The following ITLN2 variants were observed in gnomAD, a reference collection of about 807,000 sequenced individuals.
ITLN2 encodes intelectin 2.
A neutral mutation model predicts 39.4 loss-of-function variants in ITLN2; 29 were observed. The observed-to-expected ratio is 0.74, with a 90% CI of 0.55 to 1.00. The LOEUF (loss-of-function observed/expected upper bound fraction) is 1.00, where lower values mean the gene tolerates loss of function less well. Among genes scored for constraint, ITLN2 ranks in the 50% least tolerant of loss-of-function variants. The probability of loss-of-function intolerance (pLI) is 0.00; values close to 1 mark genes in which losing one functional copy is unlikely to be tolerated. For missense variants in ITLN2, 412 were observed against 416.7 expected (o/e 0.99, Z 0.10); for synonymous variants, 156 against 153.4 (o/e 1.02, Z -0.12).
At chr1:160,948,058 G>C (rs761983015) in intron 6 of ITLN2, 26 bp from the exon 7 acceptor site, 3 of 1,574,250 alleles carry the variant, frequency 1.9e-6, no homozygotes, top group African/African-American at 1.3e-5. Context: ...TGAAGAAACA[G>C]CCAAGTAGTC....
chr1:160,951,041 A>G lies in ITLN2; in HGVS notation c.441+2T>C, dbSNP rs201459944. On this transcript the variant is annotated splice_donor_variant, in intron 4 of 7. Coordinates refer to ENST00000368029, the MANE Select transcript of ITLN2 (RefSeq NM_080878.3). LOFTEE classifies it high-confidence loss of function. ...CCCAAGTAGGAGAGAAGTGGCACCA[A>G]CCTTGTAGTCATCGCTCGTGGCCGC... 11 of 1,613,958 alleles carry G rather than the reference A, an allele frequency of 6.8e-6. No homozygotes were observed. The highest frequency in any genetic ancestry group is 9.3e-6 in the Non-Finnish European group (11 of 1,180,002).
chr1:160,950,180 G>A lies in ITLN2; in HGVS notation c.601-14C>T, dbSNP rs1671708623. 4 of 1,613,660 alleles carry A rather than the reference G, an allele frequency of 2.5e-6. No individual in the cohort carries two copies. Among genetic ancestry groups the A allele is most frequent in the African/African-American group, 1.3e-5 (1 of 74,910 alleles). On this transcript the variant is annotated splice_polypyrimidine_tract_variant and intron_variant, in intron 5 of 7. Coordinates refer to ENST00000368029, the MANE Select transcript of ITLN2 (RefSeq NM_080878.3). ...CACTGGGTATTTCTGCAGAGACCCA[G>A]AAGAAAGGTTTTGTGAGGACAGTAG...
intron 2 of ITLN2, among the ~76,000 whole-genome samples, chr1:160,953,406 A>C (rs1195140940): frequency 6.6e-6 from 1 of 152,178 alleles, no homozygotes; most frequent in Non-Finnish European, 1.5e-5. Flanking sequence ...CAGAGCGGGA[A>C]AAAGTGTAAA....
chr1:160,952,575 A>C (rs1671769041), intron 3 of ITLN2, 45 bp downstream of exon 3: 1 of 1,374,618 alleles, frequency 7.3e-7, no homozygotes, highest in Admixed American at 1.7e-5. Flanking sequence ...TGTTGAGCTA[A>C]AAAGTGGCTT....
intron 6 of ITLN2, chr1:160,949,256 G>C (rs1045177054): frequency 6.6e-6 from 1 of 152,116 alleles, no homozygotes; most frequent in Non-Finnish European, 1.5e-5. Context: ...ATACAATCGG[G>C]TTTTACACCA....
intron 4 of ITLN2, 90 bp downstream of exon 4, chr1:160,950,953 C>A: frequency 6.2e-7 from 1 of 1,606,512 alleles, no homozygotes; most frequent in East Asian, 2.2e-5. Context: ...TTCCCCATAT[C>A]CCCACCTTCC....
rs1417963936 is a variant in ITLN2, at chr1:160,952,727, G to T, written c.86C>A (p.Ala29Asp). 1.9e-6 allele frequency: 3 copies of T among 1,611,978 alleles called. No individual in the cohort carries two copies. The East Asian group carries it at 6.7e-5, about 36-fold the overall frequency. Residue 29 changes from alanine (A) to aspartate (D), a missense_variant, in exon 3 of 8, where the codon GCC (alanine) becomes GAC (aspartate). Transcript: ENST00000368029. Reference sequence around the variant, plus strand: ...CCTCGAGAGCATCTCAAGAGAAGAGGCTGCTGCTAGAAAATGTGAGAATGA... The same window carrying T: ...CCTCGAGAGCATCTCAAGAGAAGAGTCTGCTGCTAGAAAATGTGAGAATGA... ...VATSGCSAAAASSLEMLSREF... is the reference protein window; with the variant it reads ...VATSGCSAAADSSLEMLSREF...
chr1:160,949,273 T>G (rs992852411), intron 6 of ITLN2: 1 of 152,138 alleles, frequency 6.6e-6, no homozygotes, highest in African/African-American at 2.4e-5. Context: ...ACCAAAACAT[T>G]CCATTGCCCA....
intron 7 of ITLN2, among the ~76,000 whole-genome samples, chr1:160,946,282 G>A (rs2101935732): frequency 6.6e-6 from 1 of 152,206 alleles, no homozygotes; most frequent in Non-Finnish European, 1.5e-5. Flanking sequence ...TTGCACTCTA[G>A]CCCAGGCAAC....
chr1:160,951,351 G>C, intron 3 of ITLN2, 61 bp from the exon 4 acceptor site: 1 of 1,519,654 alleles, frequency 6.6e-7, no homozygotes, highest in South Asian at 1.3e-5. Context: ...TCTCAGCTCC[G>C]TGAATAGAAA....
chr1:160,953,345 A>C (rs1043322172), intron 2 of ITLN2, among the ~76,000 whole-genome samples: 3 of 152,240 alleles, frequency 2.0e-5, no homozygotes, highest in Non-Finnish European at 4.4e-5. Flanking sequence ...CCAGTGGATG[A>C]AGGGCCATGT....
chr1:160,954,389 G>T lies in ITLN2; in HGVS notation c.77C>A (p.Ala26Glu). 1 of 1,570,354 alleles carries T rather than the reference G, an allele frequency of 6.4e-7. No individual in the cohort carries two copies. The highest frequency in any genetic ancestry group is 1.2e-5 in the South Asian group (1 of 85,472). The change falls in exon 2 of 8, where the codon GCA becomes GAA. Residue 26 changes from alanine (A) to glutamate (E), a missense_variant and splice_region_variant. By Grantham distance (107) the Ala-to-Glu change is moderately radical. Transcript: ENST00000368029. ...FFSVATSGCS[A>E]AAASSLEMLS... Reference sequence around the variant, plus strand: ...TCCTACTCTCAGAAGCCATTTACCTGCACTGCACCCACTGGTGGCCACAGA... The same window carrying T: ...TCCTACTCTCAGAAGCCATTTACCTTCACTGCACCCACTGGTGGCCACAGA...
At chr1:160,951,948 A>G (rs551166329) in intron 3 of ITLN2, among the ~76,000 whole-genome samples, 2 of 152,274 alleles carry the variant, frequency 1.3e-5, no homozygotes, top group South Asian at 2.1e-4. Flanking sequence ...CTGAAGAGGT[A>G]TGAGGCTTTT....
rs766040157 is a variant in ITLN2, at chr1:160,950,522, A to AAAG, written c.600+28_600+30dup. On this transcript the variant is annotated intron_variant, in intron 5 of 7. Transcript: ENST00000368029. ...ACACTTCGATCTCTGTTCACCAAAG[A>AAAG]AAGTGCCCCCCAGCCAGCAGCCCTG... The AAAG allele has an allele frequency of 5.2e-5, 83 of 1,606,778 alleles. No individual in the cohort carries two copies. In the South Asian group the frequency reaches 9.0e-4, roughly 17 times the overall value.
At chr1:160,947,825 A>C (rs374069579) in intron 7 of ITLN2, 104 bp downstream of exon 7, 15 of 792,638 alleles carry the variant, frequency 1.9e-5, no homozygotes, top group East Asian at 7.8e-5. Flanking sequence ...AGTACAGATT[A>C]AAATGGAGTT....
chr1:160,950,292 C>T (rs1671711067), intron 5 of ITLN2, 126 bp from the exon 6 acceptor site: 2 of 1,076,856 alleles, frequency 1.9e-6, no homozygotes, highest in Admixed American at 2.2e-5. Context: ...ACTGCTTTTC[C>T]CCATAGCTGT....
intron 2 of ITLN2, among the ~76,000 whole-genome samples, chr1:160,953,673 C>T (rs535414895): frequency 5.9e-5 from 9 of 151,606 alleles, no homozygotes; most frequent in Non-Finnish European, 8.8e-5. Flanking sequence ...ATCACGCCAC[C>T]GCACTCCAAC....
chr1:160,954,444 T>A lies in ITLN2; in HGVS notation c.22A>T (p.Met8Leu). 1 of 1,579,142 alleles carries A rather than the reference T, an allele frequency of 6.3e-7. No homozygotes were observed. The highest frequency in any genetic ancestry group is 8.6e-7 in the Non-Finnish European group (1 of 1,160,836). The change falls in exon 2 of 8, where the codon ATG becomes TTG. Residue 8 changes from methionine to leucine, a missense_variant. Coordinates refer to ENST00000368029, the MANE Select transcript of ITLN2 (RefSeq NM_080878.3). ...AATAACAGGAAGCAGAGTCTGGTCA[T>A]TGTCCTCTAAGGAAAAACAAGATGC... MLSMLRT[M>L]TRLCFLLFFS...
intron 6 of ITLN2, chr1:160,949,816 A>T (rs541731903): frequency 4.0e-6 from 2 of 495,756 alleles, no homozygotes; most frequent in East Asian, 6.5e-5. Flanking sequence ...CAAGGTGGTG[A>T]TGAAGAAACC....
Sources: gnomAD v4.1 joint callset for allele counts (sites outside exome capture counted in the v4.1 genomes callset) on GRCh38, gnomAD v4.1.1 for gene constraint, MANE v1.5 for transcripts, NCBI Gene and HGNC (gene_info 2026-07-23, HGNC 2026-07-21) for gene names.